The following AFG2B variants were observed in gnomAD, a reference collection of about 807,000 sequenced individuals.
The protein encoded by AFG2B is ATPase family gene 2 protein homolog B.
At chr15:45,403,740 CT>C in the AFG2B span, among the ~76,000 whole-genome samples, 1 of 152,154 alleles carries the variant, frequency 6.6e-6, no homozygotes, top group African/African-American at 2.4e-5. Flanking sequence ...GAGTCAGGAT[CT>C]GAGAGTCAGG....
the AFG2B span, among the ~76,000 whole-genome samples, chr15:45,420,134 T>C: frequency 6.6e-6 from 1 of 152,254 alleles, no homozygotes; most frequent in Admixed American, 6.5e-5. Context: ...TGTCTGGTTC[T>C]TTAACCTAAA....
the AFG2B span, among the ~76,000 whole-genome samples, chr15:45,415,342 C>A: frequency 6.6e-6 from 1 of 151,870 alleles, no homozygotes; most frequent in Non-Finnish European, 1.5e-5. Flanking sequence ...ACTAAAAATA[C>A]AAAAAAATTA....
the AFG2B span, among the ~76,000 whole-genome samples, chr15:45,407,431 T>G: frequency 6.6e-6 from 1 of 152,250 alleles, no homozygotes; most frequent in Non-Finnish European, 1.5e-5. Context: ...AAATAATGTG[T>G]ACACACATGA....
the AFG2B span, among the ~76,000 whole-genome samples, chr15:45,406,161 A>G: frequency 6.6e-6 from 1 of 152,200 alleles, no homozygotes; most frequent in Non-Finnish European, 1.5e-5. Context: ...GCTTTCTTCT[A>G]TGAAAACATA....
the AFG2B span, chr15:45,415,986 A>G: frequency 2.5e-6 from 1 of 407,474 alleles, no homozygotes; most frequent in Non-Finnish European, 4.3e-6. Flanking sequence ...AAGGTGAGGT[A>G]CATTTTATAA....
chr15:45,403,152 G>GC, the AFG2B span: 7 of 1,455,406 alleles, frequency 4.8e-6, no homozygotes, highest in South Asian at 5.6e-5. Flanking sequence ...TCCTGGCGGG[G>GC]CCCCCCGGAG....
chr15:45,411,242 G>A, the AFG2B span, among the ~76,000 whole-genome samples: 120 of 152,270 alleles, frequency 7.9e-4, no homozygotes, highest in Admixed American at 2.3e-3. Flanking sequence ...CACTTTAGAA[G>A]GCCGAGACAG....
chr15:45,405,566 G>T, the AFG2B span: 7 of 1,528,558 alleles, frequency 4.6e-6, no homozygotes, highest in Non-Finnish European at 5.3e-6. Flanking sequence ...ATTAATTTGG[G>T]GGTTAAAAAA....
the AFG2B span, among the ~76,000 whole-genome samples, chr15:45,413,387 C>A: frequency 2.0e-5 from 3 of 152,190 alleles, no homozygotes; most frequent in African/African-American, 7.2e-5. Flanking sequence ...ATGTCAAACT[C>A]AGCATGTAAA....
chr15:45,403,536 G>C, the AFG2B span: 1 of 1,596,400 alleles, frequency 6.3e-7, no homozygotes, highest in Non-Finnish European at 8.5e-7. Flanking sequence ...GGCTTGGCGG[G>C]TTTGCCCACT....
chr15:45,415,671 A>C, the AFG2B span: 1 of 1,614,172 alleles, frequency 6.2e-7, no homozygotes, highest in South Asian at 1.1e-5. Flanking sequence ...CTCAGCCAGC[A>C]AGACAGGATG....
the AFG2B span, chr15:45,405,376 C>T: frequency 6.2e-7 from 1 of 1,614,002 alleles, no homozygotes; most frequent in Non-Finnish European, 8.5e-7. Context: ...AAGTGATTAC[C>T]TCGAAGATGC....
the AFG2B span, among the ~76,000 whole-genome samples, chr15:45,404,541 T>A: frequency 6.6e-6 from 1 of 152,136 alleles, no homozygotes; most frequent in Non-Finnish European, 1.5e-5. Flanking sequence ...GCGCGGTGGC[T>A]CACGCCTGCA....
the AFG2B span, among the ~76,000 whole-genome samples, chr15:45,404,899 A>G: frequency 2.0e-5 from 3 of 151,368 alleles, no homozygotes; most frequent in Non-Finnish European, 4.4e-5. Context: ...TAATTGATCT[A>G]TTTTTATTGA....
chr15:45,417,765 T>G, the AFG2B span: 1 of 164,122 alleles, frequency 6.1e-6, no homozygotes, highest in Non-Finnish European at 1.3e-5. Context: ...CAGTGTATCG[T>G]GGTCAACCAG....
At chr15:45,416,240 A>G in the AFG2B span, among the ~76,000 whole-genome samples, 2 of 152,366 alleles carry the variant, frequency 1.3e-5, no homozygotes, top group South Asian at 4.1e-4. Flanking sequence ...AGCCTGGCCA[A>G]CATAGCAAGG....
At chr15:45,414,722 T>C in the AFG2B span, 2 of 1,614,168 alleles carry the variant, frequency 1.2e-6, no homozygotes, top group Admixed American at 3.3e-5. Context: ...TTCGTTTCAG[T>C]GAGTGGAGCT....
chr15:45,417,528 C>G, the AFG2B span: 3 of 874,058 alleles, frequency 3.4e-6, no homozygotes, highest in Non-Finnish European at 5.1e-6. Flanking sequence ...TTCATGACAT[C>G]ATAATTTTGA....
the AFG2B span, chr15:45,402,594 C>T: frequency 1.3e-6 from 2 of 1,570,102 alleles, no homozygotes; most frequent in Non-Finnish European, 1.7e-6. Context: ...CCGACGGCGG[C>T]TCCTGCCTCT....
Sources: gnomAD v4.1 joint callset for allele counts (sites outside exome capture counted in the v4.1 genomes callset) on GRCh38, gnomAD v4.1.1 for gene constraint, MANE v1.5 for transcripts, NCBI Gene and HGNC (gene_info 2026-07-23, HGNC 2026-07-21) for gene names.